Variants in HS3ST3A1 observed in about 807,000 individuals in gnomAD.
HS3ST3A1 encodes heparan sulfate-glucosamine 3-sulfotransferase 3A1, also known as heparan sulfate glucosamine 3-O-sulfotransferase 3A1.
Under a neutral mutation model 25.7 loss-of-function variants are expected in HS3ST3A1, and 19 were observed. The ratio of observed to expected loss-of-function variants is 0.74; its 90% CI spans 0.52 to 1.08. The LOEUF (loss-of-function observed/expected upper bound fraction) is 1.08. HS3ST3A1 is among the 50% of genes least tolerant of loss of function. The pLI, the probability that HS3ST3A1 is intolerant of heterozygous loss-of-function variation, is 0.00. For missense variants in HS3ST3A1, 459 were observed against 594.3 expected (o/e 0.77, Z 2.37); for synonymous variants, 226 against 278.6 (o/e 0.81, Z 1.88).
intron 1 of HS3ST3A1, among the ~76,000 whole-genome samples, chr17:13,548,458 T>C (rs1163052393): frequency 6.6e-6 from 1 of 152,216 alleles, no homozygotes; most frequent in Non-Finnish European, 1.5e-5. Context: ...AGGGCTTCAA[T>C]GTATGAATTT....
At chr17:13,505,836 C>T (rs1225707097) in intron 1 of HS3ST3A1, among the ~76,000 whole-genome samples, 1 of 151,642 alleles carries the variant, frequency 6.6e-6, no homozygotes, top group Non-Finnish European at 1.5e-5. Context: ...CCAGCCTGAC[C>T]AACATGGTGA....
chr17:13,542,978 GCA>G (rs1228707011), intron 1 of HS3ST3A1, among the ~76,000 whole-genome samples: 2 of 152,146 alleles, frequency 1.3e-5, no homozygotes, highest in Admixed American at 6.5e-5. Context: ...CCAGAGAGCT[GCA>G]CACACAGCAG....
chr17:13,514,232 C>CT (rs1259358978), intron 1 of HS3ST3A1, among the ~76,000 whole-genome samples: 1 of 151,312 alleles, frequency 6.6e-6, no homozygotes, highest in African/African-American at 2.4e-5. Flanking sequence ...TTTCTTGTTT[C>CT]TTTTTTTATT....
intron 1 of HS3ST3A1, among the ~76,000 whole-genome samples, chr17:13,526,889 G>A (rs1567614644): frequency 6.6e-6 from 1 of 152,014 alleles, no homozygotes; most frequent in Non-Finnish European, 1.5e-5. Flanking sequence ...CCGACCTCAG[G>A]TGATCTACCC....
In HS3ST3A1 at chr17:13,496,203, A is replaced by T; in HGVS notation, c.1215T>A (p.Asp405Glu). The T allele has an allele frequency of 6.2e-6, 10 of 1,601,046 alleles. No individual in the cohort carries two copies. Among genetic ancestry groups the T allele is most frequent in the Non-Finnish European group, 8.5e-6 (10 of 1,173,384 alleles). The change falls in exon 2 of 2, where the codon GAT (aspartate) becomes GAA (glutamate). Residue 405 changes from aspartate (D) to glutamate (E), a missense_variant. Asp to Glu is a conservative substitution (Grantham distance 45, BLOSUM62 2). This residue lies in a region of HS3ST3A1 where 46 missense variants were observed against 59.0 expected (regional missense o/e 0.78). Transcript: ENST00000284110. ...TTCTTTTTAAATTATATGGTTATCC[A>T]TCCCAGCCAAAGTCGTGCCCGGTCA... ...YQMTGHDFGW[D>E]G is the part of the protein sequence containing the mutation.
rs140228051 is a variant in HS3ST3A1 at position 13,520,998 on chromosome 17, A to G, written c.600-24180T>C. ...AAACCTTCCAACCAAAAGCAACTTC[A>G]TGGGCTTCTTTCCAAATTCTCTATG... On this transcript the variant is annotated intron_variant, in intron 1 of 1. Transcript: ENST00000284110. 2.1e-3 allele frequency among the ~76,000 whole-genome samples: 327 copies of G among 152,322 alleles called. 1 individual carries two copies. Among genetic ancestry groups the G allele is most frequent in the African/African-American group, 7.6e-3 (315 of 41,552 alleles).
chr17:13,594,346 G>A (rs1004859734), intron 1 of HS3ST3A1, among the ~76,000 whole-genome samples: 1 of 152,114 alleles, frequency 6.6e-6, no homozygotes, highest in Non-Finnish European at 1.5e-5. Flanking sequence ...GCCCTGGACT[G>A]CAGGCGCAGA....
Position 13,600,923 on chromosome 17 carries a change from G to T in HS3ST3A1, c.207C>A (p.Gly69=). Residue 69 remains glycine, a synonymous_variant, in exon 1 of 2, where the codon GGC becomes GGA. Transcript: ENST00000284110. ...GGEEAGAPGG[G]VLAGGPRELA... is the part of the protein sequence containing the mutation. The stretch of plus-strand genomic sequence containing the variant: ...GCTCCCTCGGGCCTCCGGCCAGGAC[G>T]CCGCCACCAGGGGCCCCCGCCTCCT... The T allele has an allele frequency of 6.5e-6, 10 of 1,528,544 alleles. No individual in the cohort carries two copies. The highest frequency in any genetic ancestry group is 8.8e-6 in the Non-Finnish European group (10 of 1,138,724). 94.7% of individuals were successfully genotyped at this position (1,528,544 alleles called of 1,614,324 possible).
In HS3ST3A1 at chr17:13,598,928, G is replaced by A. The variant is rs1908650420; in HGVS notation, c.599+1603C>T. ...TAATAGCACCTCAGAGCCCAACATA[G>A]TGTTAGATGTTTCAGACAGTCAGCT... On this transcript the variant is annotated intron_variant, in intron 1 of 1. Coordinates refer to ENST00000284110, the MANE Select transcript of HS3ST3A1 (RefSeq NM_006042.3). Among the ~76,000 whole-genome samples, 3 of 152,288 alleles carry A rather than the reference G, an allele frequency of 2.0e-5. No homozygotes were observed. In the South Asian group the frequency reaches 6.2e-4, roughly 32 times the overall value.
In HS3ST3A1 at chr17:13,595,333, G is replaced by A. The variant is rs1430261037; in HGVS notation, c.599+5198C>T. Among the ~76,000 whole-genome samples, 3 of 152,268 alleles carry A rather than the reference G, an allele frequency of 2.0e-5. No individual in the cohort carries two copies. In the East Asian group the frequency reaches 5.8e-4, roughly 29 times the overall value. On this transcript the variant is annotated intron_variant, in intron 1 of 1. Transcript: ENST00000284110. ...TGCCCCCCAAATTCTTCCCTACTCA[G>A]GATGTCCAATACTGCTCAGAAGTTC...
At position 13,572,186 on chromosome 17, in the gene HS3ST3A1, A is replaced by G. The variant is rs9892533; in HGVS notation, c.599+28345T>C. 2.6e-3 allele frequency among the ~76,000 whole-genome samples: 392 copies of G among 152,290 alleles called. 2 individuals carry two copies. The highest frequency in any genetic ancestry group is 8.9e-3 in the African/African-American group (370 of 41,556). Reference sequence around the variant, plus strand: ...TCCTTACCATGTCCTTTTTACGTCTATGAAATGTTTAGGGATATTTCTCTA... The same window carrying G: ...TCCTTACCATGTCCTTTTTACGTCTGTGAAATGTTTAGGGATATTTCTCTA... On this transcript the variant is annotated intron_variant, in intron 1 of 1. Coordinates refer to ENST00000284110, the MANE Select transcript of HS3ST3A1 (RefSeq NM_006042.3).
At chr17:13,551,347 CAATAAATA>C (rs71144973) in intron 1 of HS3ST3A1, among the ~76,000 whole-genome samples, 25,923 of 141,018 alleles carry the variant, frequency 0.18, 2,486 homozygotes, top group African/African-American at 0.22. Flanking sequence ...GACTCCATCT[CAATAAATA>C]AATAAATAAA....
Position 13,601,271 on chromosome 17 carries a change from G to A in HS3ST3A1, c.-142C>T. 1 of 599,690 alleles carries A rather than the reference G, an allele frequency of 1.7e-6. No individual in the cohort carries two copies. Among genetic ancestry groups the A allele is most frequent in the Non-Finnish European group, 2.7e-6 (1 of 374,762 alleles). The allele number at this position is 599,690 out of a possible 1,614,324, so 37.1% of individuals were successfully genotyped here. ...CCCCTGTGGCCGTGCGAACTGTCCC[G>A]GGAGGCAGCGGCCGGGGCTCCGCGG... On this transcript the variant is annotated 5_prime_UTR_variant, in exon 1 of 2. Transcript: ENST00000284110.
chr17:13,567,668 C>G (rs1001548534), intron 1 of HS3ST3A1, among the ~76,000 whole-genome samples: 1 of 152,188 alleles, frequency 6.6e-6, no homozygotes, highest in African/African-American at 2.4e-5. Context: ...AAGTTCTGGA[C>G]TTCAGAGAAG....
rs1222660171 is a variant in HS3ST3A1 at position 13,506,581 on chromosome 17, G to C, written c.600-9763C>G. Among the ~76,000 whole-genome samples the C allele has an allele frequency of 2.0e-5, 3 of 152,340 alleles. No individual in the cohort carries two copies. The East Asian group carries it at 5.8e-4, about 29-fold the overall frequency. ...AATGCAGTTCAAATAACTGATGCAA[G>C]AGAAAGTGCTGAGGTTAATTCAAAT... On this transcript the variant is annotated intron_variant, in intron 1 of 1. Coordinates refer to ENST00000284110, the MANE Select transcript of HS3ST3A1 (RefSeq NM_006042.3).
At chr17:13,533,570 C>T (rs10521224) in intron 1 of HS3ST3A1, among the ~76,000 whole-genome samples, 7,954 of 138,570 alleles carry the variant, frequency 0.057, 639 homozygotes, top group African/African-American at 0.16. Context: ...TGGTTCCATT[C>T]ATTGCAAAGA....
chr17:13,546,315 G>A (rs1434169658), intron 1 of HS3ST3A1, among the ~76,000 whole-genome samples: 1 of 151,956 alleles, frequency 6.6e-6, no homozygotes, highest in East Asian at 1.9e-4. Context: ...TGCTAGGCTG[G>A]AGTGCAGCGG....
chr17:13,516,457 A>C (rs1025329486), intron 1 of HS3ST3A1, among the ~76,000 whole-genome samples: 1 of 152,182 alleles, frequency 6.6e-6, no homozygotes, highest in Middle Eastern at 3.4e-3. Flanking sequence ...GCTGAGCAAA[A>C]GTTTTTTAAT....
rs200380785 is a variant in HS3ST3A1, at chr17:13,542,682, A to G, written c.600-45864T>C. Among the ~76,000 whole-genome samples the G allele has an allele frequency of 3.0e-4, 45 of 152,142 alleles. No individual in the cohort carries two copies. In the East Asian group the frequency reaches 8.4e-3, roughly 28 times the overall value. ...TGGTCTTCCTGTTTCCTGGCTCATC[A>G]TTCCCAAAACCCTTGGAATCTAAAG... On this transcript the variant is annotated intron_variant, in intron 1 of 1. Transcript: ENST00000284110.
Sources: gnomAD v4.1 joint callset for allele counts (sites outside exome capture counted in the v4.1 genomes callset) on GRCh38, gnomAD v4.1.1 for gene constraint, gnomAD v4.1.1 regional missense constraint, MANE v1.5 for transcripts, NCBI Gene and HGNC (gene_info 2026-07-23, HGNC 2026-07-21) for gene names.